Variants in MRPL13 observed in about 807,000 individuals in gnomAD.
The protein encoded by MRPL13 is mitochondrial ribosomal protein L13.
In MRPL13, 33 loss-of-function variants were observed where a neutral mutation model predicts 29.0. That is an observed-to-expected ratio of 1.14 (90% CI 0.86 to 1.52). The LOEUF (loss-of-function observed/expected upper bound fraction) is 1.52. MRPL13 is among the 40% of genes most tolerant of loss of function. MRPL13 has a pLI of 0.00. For synonymous variants in MRPL13, 77 were observed against 68.4 expected (o/e 1.13, Z -0.62); for missense variants, 227 against 216.7 (o/e 1.05, Z -0.30).
chr8:120,443,312 G>GA lies in MRPL13; in HGVS notation c.28-5_28-4insT. 1.4e-6 allele frequency: 2 copies of GA among 1,439,376 alleles called. No individual in the cohort carries two copies. Among genetic ancestry groups the GA allele is most frequent in the South Asian group, 2.7e-5 (2 of 74,604 alleles). The allele number at this position is 1,439,376 out of a possible 1,614,324, so 89.2% of individuals were successfully genotyped here. On this transcript the variant is annotated splice_region_variant and splice_polypyrimidine_tract_variant and intron_variant, in intron 1 of 6. Transcript: ENST00000306185. ...TTCTAGCAAAAGTGGCCCATTGCTT[G>GA]GGGGGGAAAAAAAAAAAAAAGAAGA...
At chr8:120,420,767 T>C (rs1342153598) in intron 4 of MRPL13, among the ~76,000 whole-genome samples, 1 of 151,838 alleles carries the variant, frequency 6.6e-6, no homozygotes, top group African/African-American at 2.4e-5. Context: ...AGTAATTATA[T>C]CCTCTGAATA....
At chr8:120,439,972 A>G (rs1813099625) in intron 2 of MRPL13, among the ~76,000 whole-genome samples, 2 of 152,230 alleles carry the variant, frequency 1.3e-5, no homozygotes, top group Non-Finnish European at 2.9e-5. Context: ...AAATGCCAGT[A>G]TTCACTTAAC....
At chr8:120,425,473 C>A in intron 3 of MRPL13, 107 bp from the exon 4 acceptor site, 1 of 779,490 alleles carries the variant, frequency 1.3e-6, no homozygotes, top group Non-Finnish European at 2.0e-6. Flanking sequence ...TTTCTCGAAA[C>A]TGCTTTTCAT....
At chr8:120,403,178 A>G (rs188348568) in intron 6 of MRPL13, among the ~76,000 whole-genome samples, 1 of 152,304 alleles carries the variant, frequency 6.6e-6, no homozygotes, top group East Asian at 1.9e-4. Flanking sequence ...AAATCATTCT[A>G]TTATAAAGAC....
At chr8:120,403,167 T>G (rs999400630) in intron 6 of MRPL13, among the ~76,000 whole-genome samples, 2 of 152,148 alleles carry the variant, frequency 1.3e-5, no homozygotes, top group African/African-American at 4.8e-5. Flanking sequence ...CAAAGGAATA[T>G]AAATCATTCT....
intron 5 of MRPL13, among the ~76,000 whole-genome samples, chr8:120,418,359 G>A (rs13263962): frequency 0.78 from 118,742 of 151,962 alleles, 47,870 homozygotes; most frequent in Non-Finnish European, 0.89. Flanking sequence ...TATCTTGAAG[G>A]TGTATTTTTA....
chr8:120,406,031 T>C (rs1812663870), intron 6 of MRPL13, among the ~76,000 whole-genome samples: 1 of 152,210 alleles, frequency 6.6e-6, no homozygotes, highest in South Asian at 2.1e-4. Flanking sequence ...TTATGTAGTT[T>C]TAAAATGTGC....
intron 5 of MRPL13, among the ~76,000 whole-genome samples, chr8:120,416,981 A>G (rs1812810821): frequency 1.3e-5 from 2 of 152,202 alleles, no homozygotes; most frequent in Non-Finnish European, 2.9e-5. Flanking sequence ...CAAGAATCAC[A>G]TGCATTTAGT....
chr8:120,435,772 C>G (rs1015869992), intron 2 of MRPL13, among the ~76,000 whole-genome samples: 2 of 152,168 alleles, frequency 1.3e-5, no homozygotes, highest in African/African-American at 4.8e-5. Flanking sequence ...CTTTTCTCCT[C>G]AGCCTTGCCA....
intron 3 of MRPL13, among the ~76,000 whole-genome samples, chr8:120,428,213 T>A (rs1050863922): frequency 1.3e-5 from 2 of 151,222 alleles, no homozygotes; most frequent in Non-Finnish European, 2.9e-5. Flanking sequence ...TATTTGATCT[T>A]TGACAAACCT....
intron 6 of MRPL13, among the ~76,000 whole-genome samples, chr8:120,404,944 G>A (rs1260843120): frequency 1.3e-5 from 2 of 152,154 alleles, no homozygotes; most frequent in African/African-American, 4.8e-5. Context: ...AGCAGCCACG[G>A]TAATGCCTGA....
chr8:120,443,570 C>T lies in MRPL13; in HGVS notation c.28-262G>A, dbSNP rs371891738. Among the ~76,000 whole-genome samples, 127 of 149,832 alleles carry T rather than the reference C, an allele frequency of 8.5e-4. 1 individual carries two copies. Among genetic ancestry groups the T allele is most frequent in the African/African-American group, 2.8e-3 (115 of 40,904 alleles). ...GGTTTCCTGTTAGCAATATGACTTA[C>T]GTTTTGTTATAAATATCCCAAAGAT... On this transcript the variant is annotated intron_variant, in intron 1 of 6. Transcript: ENST00000306185.
intron 2 of MRPL13, among the ~76,000 whole-genome samples, chr8:120,437,482 T>C (rs1813068295): frequency 6.6e-6 from 1 of 152,226 alleles, no homozygotes; most frequent in Non-Finnish European, 1.5e-5. Flanking sequence ...TGAATATTAA[T>C]TCATTAATTC....
chr8:120,414,609 A>T lies in MRPL13; in HGVS notation c.394-497T>A, dbSNP rs531882644. 4 of 152,360 alleles carry T rather than the reference A, an allele frequency of 2.6e-5. No individual in the cohort carries two copies. In the East Asian group the frequency reaches 7.7e-4, roughly 29 times the overall value. The allele number at this position is 152,360 out of a possible 1,614,324, so 9.4% of individuals were successfully genotyped here. ...AAAAGATCAAGCCTTCTAAAGGCTT[A>T]TAATTTTTAAAAAGTCACCTCTCAG... On this transcript the variant is annotated intron_variant, in intron 5 of 6. Coordinates refer to ENST00000306185, the MANE Select transcript of MRPL13 (RefSeq NM_014078.6).
At chr8:120,398,449 TAAC>T (rs1409389475) in intron 6 of MRPL13, among the ~76,000 whole-genome samples, 2 of 151,640 alleles carry the variant, frequency 1.3e-5, no homozygotes, top group Non-Finnish European at 2.9e-5. Context: ...ACAAACAAAG[TAAC>T]AACAACAACA....
chr8:120,436,533 T>A (rs1408951919), intron 2 of MRPL13, among the ~76,000 whole-genome samples: 1 of 152,164 alleles, frequency 6.6e-6, no homozygotes, highest in South Asian at 2.1e-4. Context: ...TTGAAAGTTC[T>A]TTATAGTTTA....
chr8:120,442,377 C>T (rs1232050793), intron 2 of MRPL13, among the ~76,000 whole-genome samples: 4 of 152,052 alleles, frequency 2.6e-5, no homozygotes, highest in Admixed American at 2.6e-4. Context: ...ATATTGATAG[C>T]AACATTAATG....
chr8:120,404,396 C>T (rs1422323623), intron 6 of MRPL13, among the ~76,000 whole-genome samples: 1 of 152,134 alleles, frequency 6.6e-6, no homozygotes. Flanking sequence ...TATAATCCAC[C>T]ACATAAAGGA....
intron 6 of MRPL13, among the ~76,000 whole-genome samples, chr8:120,399,939 C>G (rs1171965160): frequency 1.3e-5 from 2 of 152,130 alleles, no homozygotes; most frequent in African/African-American, 4.8e-5. Context: ...AGTTAACTAT[C>G]CTAAATATAT....
Sources: allele counts gnomAD v4.1 joint callset (sites outside exome capture counted in the v4.1 genomes callset), GRCh38; gene constraint gnomAD v4.1.1; transcripts MANE v1.5; gene names NCBI Gene and HGNC (gene_info 2026-07-23, HGNC 2026-07-21).